Variants in GNAQ observed in about 807,000 individuals in gnomAD.
GNAQ encodes G protein subunit alpha q, also known as guanine nucleotide-binding protein G(q) subunit alpha.
Under a neutral mutation model 43.9 loss-of-function variants are expected in GNAQ, and 8 were observed. The observed-to-expected ratio is 0.18, with a 90% CI of 0.11 to 0.33. GNAQ has a LOEUF of 0.33. Among genes scored for constraint, GNAQ ranks in the 10% least tolerant of loss-of-function variants. The pLI, the probability that GNAQ is intolerant of heterozygous loss-of-function variation, is 1.00. For synonymous variants in GNAQ, 155 were observed against 170.7 expected (o/e 0.91, Z 0.71); for missense variants, 158 against 450.8 (o/e 0.35, Z 5.88).
chr9:77,907,149 G>T (rs1315934047), intron 2 of GNAQ, among the ~76,000 whole-genome samples: 1 of 152,072 alleles, frequency 6.6e-6, no homozygotes, highest in African/African-American at 2.4e-5. Context: ...TAATTCATGG[G>T]CAAGTTATTT....
chr9:77,733,510 G>A (rs1210360833), intron 5 of GNAQ, among the ~76,000 whole-genome samples: 1 of 152,072 alleles, frequency 6.6e-6, no homozygotes, highest in African/African-American at 2.4e-5. Context: ...CTGACTTGTG[G>A]CCCACAATGC....
intron 1 of GNAQ, among the ~76,000 whole-genome samples, chr9:78,020,470 C>A (rs1823894694): frequency 6.6e-6 from 1 of 152,162 alleles, no homozygotes; most frequent in Non-Finnish European, 1.5e-5. Context: ...ACATGCAACA[C>A]AAACTACTCC....
rs534655587 is a variant in GNAQ at position 77,999,031 on chromosome 9, G to T, written c.136+32069C>A. On this transcript the variant is annotated intron_variant, in intron 1 of 6. Transcript: ENST00000286548. Reference sequence around the variant, plus strand: ...CACTTGAACCCAGGAGGCGGAGGTTGCAGAGAGCCGAGATCATGCCACTGC... The same window carrying T: ...CACTTGAACCCAGGAGGCGGAGGTTTCAGAGAGCCGAGATCATGCCACTGC... Among the ~76,000 whole-genome samples the T allele has an allele frequency of 7.7e-3, 1,072 of 138,430 alleles. 18 individuals are homozygous for T. Among genetic ancestry groups the T allele is most frequent in the African/African-American group, 0.027 (1,025 of 37,284 alleles). 90.8% of individuals were successfully genotyped at this position (138,430 alleles called of 152,430 possible).
At chr9:77,937,222 A>C (rs1829244168) in intron 1 of GNAQ, among the ~76,000 whole-genome samples, 1 of 151,652 alleles carries the variant, frequency 6.6e-6, no homozygotes, top group South Asian at 2.1e-4. Context: ...GGGGCAGATC[A>C]CTTGAGGTCG....
chr9:77,854,044 C>T (rs535766504), intron 2 of GNAQ, among the ~76,000 whole-genome samples: 1 of 152,288 alleles, frequency 6.6e-6, no homozygotes, highest in African/African-American at 2.4e-5. Flanking sequence ...TTTTATCCTA[C>T]AACCCAAATA....
At chr9:77,739,341 C>G (rs1356016924) in intron 5 of GNAQ, among the ~76,000 whole-genome samples, 1 of 152,016 alleles carries the variant, frequency 6.6e-6, no homozygotes, top group Non-Finnish European at 1.5e-5. Context: ...CGAGAATTGT[C>G]TGCTCCTGTC....
At chr9:77,764,194 C>T (rs1360737820) in intron 5 of GNAQ, among the ~76,000 whole-genome samples, 1 of 152,114 alleles carries the variant, frequency 6.6e-6, no homozygotes, top group Non-Finnish European at 1.5e-5. Flanking sequence ...AGTTGAAGGA[C>T]TGAATTTCTA....
At chr9:77,935,623 GTGC>G (rs1217765869) in intron 1 of GNAQ, among the ~76,000 whole-genome samples, 2 of 152,164 alleles carry the variant, frequency 1.3e-5, no homozygotes, top group Non-Finnish European at 2.9e-5. Context: ...TGTTCCACAT[GTGC>G]TGTCCAAAAG....
At chr9:77,887,982 T>C (rs1199523348) in intron 2 of GNAQ, among the ~76,000 whole-genome samples, 1 of 152,210 alleles carries the variant, frequency 6.6e-6, no homozygotes, top group East Asian at 1.9e-4. Context: ...TCCTGGAGAC[T>C]GCTGAGACCC....
intron 5 of GNAQ, among the ~76,000 whole-genome samples, chr9:77,741,635 G>T (rs1277199224): frequency 3.9e-5 from 6 of 152,110 alleles, no homozygotes; most frequent in African/African-American, 1.4e-4. Flanking sequence ...GCCAGATGTT[G>T]CACACATGTA....
intron 1 of GNAQ, among the ~76,000 whole-genome samples, chr9:77,924,486 A>G (rs149034326): frequency 2.0e-5 from 3 of 152,228 alleles, no homozygotes; most frequent in African/African-American, 4.8e-5. Flanking sequence ...TGTGAGGTTA[A>G]TATCAGGCAA....
At chr9:77,824,455 T>C (rs1438383351) in intron 2 of GNAQ, among the ~76,000 whole-genome samples, 1 of 152,226 alleles carries the variant, frequency 6.6e-6, no homozygotes, top group East Asian at 1.9e-4. Flanking sequence ...ATTTCACAAA[T>C]ATGTTTAGGA....
chr9:77,772,594 T>C (rs1471946898), intron 5 of GNAQ, among the ~76,000 whole-genome samples: 2 of 152,166 alleles, frequency 1.3e-5, no homozygotes, highest in Non-Finnish European at 2.9e-5. Flanking sequence ...TCAGGACTGT[T>C]TGAGGAGAAA....
Position 77,946,835 on chromosome 9 carries a change from C to A in GNAQ, c.137-24490G>T, listed in dbSNP as rs146256959. 5.5e-4 allele frequency among the ~76,000 whole-genome samples: 84 copies of A among 152,324 alleles called. No homozygotes were observed. The East Asian group carries it at 0.013, about 24-fold the overall frequency. On this transcript the variant is annotated intron_variant, in intron 1 of 6. Transcript: ENST00000286548. ...AGCAAGTTGAGGGACCTGTCACTTTCTTCATCTGCAAAATGAGGATAATGA... is the reference window on the plus strand; with the variant it reads ...AGCAAGTTGAGGGACCTGTCACTTTATTCATCTGCAAAATGAGGATAATGA...
intron 1 of GNAQ, among the ~76,000 whole-genome samples, chr9:77,971,181 G>A (rs1375906705): frequency 6.6e-6 from 1 of 152,192 alleles, no homozygotes; most frequent in African/African-American, 2.4e-5. Flanking sequence ...CGGATTCACA[G>A]CCGAATTCTA....
At chr9:77,739,254 T>C (rs936956194) in intron 5 of GNAQ, among the ~76,000 whole-genome samples, 6 of 152,178 alleles carry the variant, frequency 3.9e-5, no homozygotes, top group Non-Finnish European at 7.3e-5. Context: ...GCTGTCTTGG[T>C]TGGAATTTCT....
intron 5 of GNAQ, among the ~76,000 whole-genome samples, chr9:77,762,585 A>G (rs71487630): frequency 0.64 from 90,550 of 141,890 alleles, 29,480 homozygotes; most frequent in Non-Finnish European, 0.72. Context: ...CCACCACCCC[A>G]TCTGGGAGGT....
chr9:77,888,394 A>G (rs528787520), intron 2 of GNAQ, among the ~76,000 whole-genome samples: 2 of 152,284 alleles, frequency 1.3e-5, no homozygotes, highest in African/African-American at 4.8e-5. Flanking sequence ...GACCTTCAAA[A>G]TTAGTGTTCC....
intron 1 of GNAQ, among the ~76,000 whole-genome samples, chr9:77,935,610 G>T (rs1477312509): frequency 3.3e-5 from 5 of 152,196 alleles, no homozygotes; most frequent in African/African-American, 1.2e-4. Context: ...GATGCTTCTT[G>T]TGTGTTCCAC....
Sources: gnomAD v4.1 joint callset for allele counts (sites outside exome capture counted in the v4.1 genomes callset) on GRCh38, gnomAD v4.1.1 for gene constraint, MANE v1.5 for transcripts, NCBI Gene and HGNC (gene_info 2026-07-23, HGNC 2026-07-21) for gene names.